ZNF594: variants seen among roughly 807,000 people sequenced by gnomAD.
ZNF594 encodes the protein zinc finger protein HZF18.
For synonymous variants in ZNF594, 336 were observed against 309.4 expected (o/e 1.09, Z -0.90); for missense variants, 1,037 against 964.6 (o/e 1.08, Z -0.99).
rs746612608 is a variant in ZNF594 at position 5,182,679 on chromosome 17, A to G, written c.1578T>C (p.Ile526=). Residue 526 remains isoleucine, a synonymous_variant, in exon 2 of 2, where the codon ATT becomes ATC. Coordinates refer to ENST00000575779, the MANE Select transcript of ZNF594 (RefSeq NM_032530.2). ...GATGTTTGAGGAAAGCTGTGCGCCA[A>G]ATGAAGAGCTTCCCACATTCCTTAC... ...YECKECGKLF[I]WRTAFLKHQS... The G allele has an allele frequency of 6.2e-7, 1 of 1,613,272 alleles. No individual in the cohort carries two copies. Among genetic ancestry groups the G allele is most frequent in the African/African-American group, 1.3e-5 (1 of 74,624 alleles).
rs1334924221 is a variant in ZNF594, at chr17:5,182,877, A to G, written c.1380T>C (p.Tyr460=). The G allele has an allele frequency of 3.1e-6, 5 of 1,613,982 alleles. No individual in the cohort carries two copies. The East Asian group carries it at 8.9e-5, about 29-fold the overall frequency. ...AGGCTTTCCCACATTCACTACATTC[A>G]TAGGGTTTCTCTCCAGTATGAACAC... The part of the protein sequence containing the change: ...HHRVHTGEKP[Y]ECSECGKAFS... Residue 460 remains tyrosine (Y), a synonymous_variant, in exon 2 of 2, where the codon TAT becomes TAC. Coordinates refer to ENST00000575779, the MANE Select transcript of ZNF594 (RefSeq NM_032530.2).
At chr17:5,179,372 T>C (rs1192507387), downstream of ZNF594, among the ~76,000 whole-genome samples, 3 of 150,794 alleles carry the variant, frequency 2.0e-5, no homozygotes, top group Non-Finnish European at 3.0e-5. Context: ...TCTCTGGAGC[T>C]GCACCAGGGG....
chr17:5,175,266 C>T (rs772656606), downstream of ZNF594, among the ~76,000 whole-genome samples: 3 of 152,178 alleles, frequency 2.0e-5, no homozygotes, highest in Non-Finnish European at 4.4e-5. Flanking sequence ...CTCCCATTAC[C>T]GCCTGAGCTC....
rs780013859 is a variant in ZNF594 at position 5,183,385 on chromosome 17, C to G, written c.872G>C (p.Gly291Ala). Reference sequence around the variant, plus strand: ...TTCATTACATTTGAGGGGTTTCTCTCCAGTGTGAATTCTCTGATGTGGGAC... The same window carrying G: ...TTCATTACATTTGAGGGGTTTCTCTGCAGTGTGAATTCTCTGATGTGGGAC... ...HLVPHQRIHTGEKPLKCNECE... is the reference protein window; with the variant it reads ...HLVPHQRIHTAEKPLKCNECE... The change falls in exon 2 of 2, where the codon GGA becomes GCA. Residue 291 changes from glycine (G) to alanine (A), a missense_variant. Transcript: ENST00000575779. The G allele has an allele frequency of 1.2e-6, 2 of 1,613,686 alleles. No individual in the cohort carries two copies. The highest frequency in any genetic ancestry group is 2.2e-5 in the South Asian group (2 of 91,082).
rs753863804 is a variant in ZNF594, at chr17:5,182,044, C to T, written c.2213G>A (p.Cys738Tyr). The T allele has an allele frequency of 6.2e-7, 1 of 1,613,736 alleles. No individual in the cohort carries two copies. Among genetic ancestry groups the T allele is most frequent in the East Asian group, 2.2e-5 (1 of 44,858 alleles). The change falls in exon 2 of 2, where the codon TGT (cysteine) becomes TAT (tyrosine). Residue 738 changes from cysteine to tyrosine, a missense_variant. Coordinates refer to ENST00000575779, the MANE Select transcript of ZNF594 (RefSeq NM_032530.2). The part of the protein sequence containing the change: ...RLHAGEKLEE[C>Y]EKTFSKDEEL... ...CTCATCCTTGCTGAAGGTTTTCTCA[C>T]ATTCTTCAAGTTTCTCTCCAGCATG...
chr17:5,189,316 T>C lies in ZNF594; in HGVS notation c.-21+2432A>G, dbSNP rs149460100. ...AGGCTGGAGTGCAGTGGTGTAATCA[T>C]GGTTCACTGCAGCCTTGACCTCCCA... On this transcript the variant is annotated intron_variant, in intron 1 of 1. Coordinates refer to ENST00000575779, the MANE Select transcript of ZNF594 (RefSeq NM_032530.2). Among the ~76,000 whole-genome samples the C allele has an allele frequency of 3.6e-3, 547 of 149,914 alleles. 3 individuals are homozygous for C. Among genetic ancestry groups the C allele is most frequent in the Non-Finnish European group, 6.8e-3 (462 of 67,622 alleles).
At chr17:5,177,372 C>A (rs116822954), downstream of ZNF594, among the ~76,000 whole-genome samples, 1,127 of 152,192 alleles carry the variant, frequency 7.4e-3, 20 homozygotes, top group African/African-American at 0.025. Context: ...ATACTTAGGA[C>A]TACAAGTTTG....
rs772153749 is a variant in ZNF594, at chr17:5,184,052, T to C, written c.205A>G (p.Met69Val). Residue 69 changes from methionine to valine, a missense_variant, in exon 2 of 2, where the codon ATG (methionine) becomes GTG (valine). By Grantham distance (21) the Met-to-Val change is conservative. Transcript: ENST00000575779. ...ATGGCTTTCTGGGGGATAATATGCA[T>C]TTCCCTGATACCGCTCTCTTGGGAA... The part of the protein sequence containing the change: ...LPSQESGIRE[M>V]HIIPQKAIVG... The C allele has an allele frequency of 1.1e-5, 18 of 1,614,064 alleles. No individual in the cohort carries two copies. The Admixed American group carries it at 1.7e-4, about 15-fold the overall frequency.
rs185279482 is a variant in ZNF594 at position 5,184,225 on chromosome 17, G to T, written c.32C>A (p.Ser11Tyr). ...AGCCCTTGCTGACTTCTTTTCTTCA[G>T]AAATTTCCATCTTTGATTTCCATTC... is the stretch of plus-strand genomic sequence containing the variant. MKEWKSKMEI[S>Y]EEKKSARAAS... The change falls in exon 2 of 2, where the codon TCT (serine) becomes TAT (tyrosine). Residue 11 changes from serine (S) to tyrosine (Y), a missense_variant. Physicochemically the swap from Ser to Tyr is moderately radical, Grantham distance 144. Transcript: ENST00000575779. 56 of 1,612,954 alleles carry T rather than the reference G, an allele frequency of 3.5e-5. No homozygotes were observed. In the Admixed American group the frequency reaches 9.4e-4, roughly 27 times the overall value.
Position 5,182,777 on chromosome 17 carries a change from C to T in ZNF594, c.1480G>A (p.Gly494Arg). Residue 494 changes from glycine (G) to arginine (R), a missense_variant, in exon 2 of 2, where the codon GGG (glycine) becomes AGG (arginine). Gly to Arg is a moderately radical substitution (Grantham distance 125). Transcript: ENST00000575779. ...AGTGAACGCCGCCTGAAGGCTTTCC[C>T]ACATTCAGTGCACTGATAGGGCTTC... is the stretch of plus-strand genomic sequence containing the variant. ...GEKPYQCTEC[G>R]KAFRRRSLLI... The T allele has an allele frequency of 6.2e-7, 1 of 1,614,126 alleles. No homozygotes were observed. The highest frequency in any genetic ancestry group is 8.5e-7 in the Non-Finnish European group (1 of 1,180,022).
In ZNF594 at chr17:5,180,811, C is replaced by T; in HGVS notation, c.*1022G>A. On this transcript the variant is annotated 3_prime_UTR_variant, in exon 2 of 2. Coordinates refer to ENST00000575779, the MANE Select transcript of ZNF594 (RefSeq NM_032530.2). Reference sequence around the variant, plus strand: ...TGATTATACTTACGTTTGAAAAATCCAGTAGGTATTTTCTCTGCTTTCCCA... The same window carrying T: ...TGATTATACTTACGTTTGAAAAATCTAGTAGGTATTTTCTCTGCTTTCCCA... 1 of 371,344 alleles carries T rather than the reference C, an allele frequency of 2.7e-6. No homozygotes were observed. The highest frequency in any genetic ancestry group is 5.1e-6 in the Non-Finnish European group (1 of 195,886). 23.0% of individuals were successfully genotyped at this position (371,344 alleles called of 1,614,324 possible). A position where few individuals can be genotyped will look rare whatever the true frequency, so the allele number is the denominator to read the frequency against.
At chr17:5,175,517 A>G (rs545096768), downstream of ZNF594, among the ~76,000 whole-genome samples, 291 of 152,306 alleles carry the variant, frequency 1.9e-3, 1 homozygote, top group African/African-American at 6.7e-3. Flanking sequence ...TGTAGAGGGT[A>G]GAACAAGATC....
Position 5,184,009 on chromosome 17 carries a change from T to G in ZNF594, c.248A>C (p.His83Pro). ...PQKAIVGEIGHGCNEGEKILS... is the reference protein window; with the variant it reads ...PQKAIVGEIGPGCNEGEKILS... ...TATTTTTTCTCCTTCATTACATCCA[T>G]GGCCAATCTCTCCCACAATGGCTTT... Residue 83 changes from histidine (H) to proline (P), a missense_variant, in exon 2 of 2, where the codon CAT (histidine) becomes CCT (proline). By Grantham distance (77) the His-to-Pro change is moderately conservative. Transcript: ENST00000575779. 1 of 1,614,218 alleles carries G rather than the reference T, an allele frequency of 6.2e-7. No individual in the cohort carries two copies.
chr17:5,184,949 T>C (rs2074376907), intron 1 of ZNF594, among the ~76,000 whole-genome samples: 1 of 152,206 alleles, frequency 6.6e-6, no homozygotes, highest in Non-Finnish European at 1.5e-5. Flanking sequence ...CTATATATCA[T>C]GATAGTTAAG....
Position 5,182,357 on chromosome 17 carries a change from TAA to T in ZNF594, c.1898_1899del (p.Phe633Ter). The T allele has an allele frequency of 6.2e-7, 1 of 1,613,592 alleles. No homozygotes were observed. The highest frequency in any genetic ancestry group is 8.5e-7 in the Non-Finnish European group (1 of 1,179,994). On this transcript the variant is annotated frameshift_variant, in exon 2 of 2. Coordinates refer to ENST00000575779, the MANE Select transcript of ZNF594 (RefSeq NM_032530.2). LOFTEE classifies it low-confidence loss of function (END_TRUNC). ...TGTTTAATAAGATCTGAGCTACCCC[TAA>T]AAGATTTCCCACATTTGTTGCATAC... ...PYVCNKCGKS[F>X]RGSSDLIKHH... is the part of the protein sequence containing the mutation.
downstream of ZNF594, among the ~76,000 whole-genome samples, chr17:5,178,877 C>A (rs888714430): frequency 6.6e-6 from 1 of 151,980 alleles, no homozygotes; most frequent in Non-Finnish European, 1.5e-5. Flanking sequence ...TAGAAATGAC[C>A]CCATAAAGGA....
intron 1 of ZNF594, among the ~76,000 whole-genome samples, chr17:5,191,019 T>C (rs2074419809): frequency 6.6e-6 from 1 of 152,202 alleles, no homozygotes; most frequent in African/African-American, 2.4e-5. Context: ...TTTTCAACTT[T>C]TTGCCAGTTC....
rs200714230 is a variant in ZNF594 at position 5,183,602 on chromosome 17, C to G, written c.655G>C (p.Ala219Pro). 2 of 1,614,058 alleles carry G rather than the reference C, an allele frequency of 1.2e-6. No homozygotes were observed. The highest frequency in any genetic ancestry group is 2.7e-5 in the African/African-American group (2 of 74,920). Reference sequence around the variant, plus strand: ...ACAAGGTTTGAGCTTCCCTTAAAAGCCTTCCCACACTCTTTGCACTCATAG... The same window carrying G: ...ACAAGGTTTGAGCTTCCCTTAAAAGGCTTCCCACACTCTTTGCACTCATAG... ...NPYECKECGKAFKGSSNLVLH... is the reference protein window; with the variant it reads ...NPYECKECGKPFKGSSNLVLH... The change falls in exon 2 of 2, where the codon GCT (alanine) becomes CCT (proline). Residue 219 changes from alanine (A) to proline (P), a missense_variant. Physicochemically the swap from Ala to Pro is conservative, Grantham distance 27 (BLOSUM62 -1). Coordinates refer to ENST00000575779, the MANE Select transcript of ZNF594 (RefSeq NM_032530.2).
chr17:5,175,319 G>A (rs1467333746), downstream of ZNF594, among the ~76,000 whole-genome samples: 1 of 152,200 alleles, frequency 6.6e-6, no homozygotes, highest in Non-Finnish European at 1.5e-5. Flanking sequence ...TCTCACAGGA[G>A]AAAGAACCCT....
Sources: gnomAD v4.1 joint callset for allele counts (sites outside exome capture counted in the v4.1 genomes callset) on GRCh38, gnomAD v4.1.1 for gene constraint, MANE v1.5 for transcripts, NCBI Gene and HGNC (gene_info 2026-07-23, HGNC 2026-07-21) for gene names.